FAM20A: variants seen among roughly 807,000 people sequenced by gnomAD.
The protein encoded by FAM20A is pseudokinase FAM20A.
In FAM20A, 42 loss-of-function variants were observed where a neutral mutation model predicts 52.0. The observed-to-expected ratio is 0.81, with a 90% CI of 0.63 to 1.04. FAM20A has a LOEUF of 1.04. Among genes scored for constraint, FAM20A ranks in the 50% least tolerant of loss-of-function variants. The pLI, the probability that FAM20A is intolerant of heterozygous loss-of-function variation, is 0.00. For missense variants in FAM20A, 742 were observed against 712.7 expected, an observed-to-expected ratio of 1.04 and a Z score of -0.47; for synonymous variants, 304 against 298.9, an observed-to-expected ratio of 1.02 and a Z score of -0.18.
rs549567827 is a variant in FAM20A, at chr17:68,574,107, C to A, written c.405-18364G>T. 2.0e-5 allele frequency among the ~76,000 whole-genome samples: 3 copies of A among 152,240 alleles called. No individual in the cohort carries two copies. In the South Asian group the frequency reaches 6.2e-4, roughly 32 times the overall value. ...TGAGACAGGGTCTCACTCTGTCACTCAGGCTGTACTGCAGTGGAGCTATCA... is the reference window on the plus strand; with the variant it reads ...TGAGACAGGGTCTCACTCTGTCACTAAGGCTGTACTGCAGTGGAGCTATCA... On this transcript the variant is annotated intron_variant, in intron 1 of 10. Transcript: ENST00000592554.
intron 1 of FAM20A, among the ~76,000 whole-genome samples, chr17:68,570,798 G>T (rs117010181): frequency 8.0e-4 from 122 of 152,312 alleles, no homozygotes; most frequent in Non-Finnish European, 1.6e-3. Context: ...GCATGCCACA[G>T]AATTTATATT....
At chr17:68,578,252 G>C (rs984648102) in intron 1 of FAM20A, among the ~76,000 whole-genome samples, 1 of 152,160 alleles carries the variant, frequency 6.6e-6, no homozygotes, top group Non-Finnish European at 1.5e-5. Flanking sequence ...TATCATACAG[G>C]CATGGGCATT....
In FAM20A at chr17:68,600,225, G is replaced by C; in HGVS notation, c.404+38C>G. 3 of 1,546,590 alleles carry C rather than the reference G, an allele frequency of 1.9e-6. No individual in the cohort carries two copies. The highest frequency in any genetic ancestry group is 2.6e-6 in the Non-Finnish European group (3 of 1,145,684). On this transcript the variant is annotated intron_variant, in intron 1 of 10. Coordinates refer to ENST00000592554, the MANE Select transcript of FAM20A (RefSeq NM_017565.4). This position sits in a 1 kb window ranked among gnomAD's most constrained non-coding sequence, Gnocchi z 6.2. ...CTGGGGCGCGGGGAGGCCCCGGCCA[G>C]AGCGCCCGCTCTCCCGCGTCCCGGG... is the stretch of plus-strand genomic sequence containing the variant.
chr17:68,581,810 G>A (rs892461399), intron 1 of FAM20A, among the ~76,000 whole-genome samples: 2 of 151,982 alleles, frequency 1.3e-5, no homozygotes, highest in African/African-American at 2.4e-5. Flanking sequence ...TCCTGGCCTC[G>A]TGATCTGCCT....
chr17:68,556,322 G>GA (rs1366835164), intron 1 of FAM20A, among the ~76,000 whole-genome samples: 1 of 151,654 alleles, frequency 6.6e-6, no homozygotes, highest in South Asian at 2.1e-4. Context: ...TTTCTCCCAG[G>GA]AAAAAAAGAG....
rs1445423709 is a variant in FAM20A, at chr17:68,537,288, A to G, written c.*189T>C. The G allele has an allele frequency of 7.6e-6, 6 of 788,276 alleles. No individual in the cohort carries two copies. Among genetic ancestry groups the G allele is most frequent in the South Asian group, 4.4e-5 (3 of 68,616 alleles). The allele number at this position is 788,276 out of a possible 1,614,324, so 48.8% of individuals were successfully genotyped here. A position where few individuals can be genotyped will look rare whatever the true frequency, so the allele number is the denominator to read the frequency against. On this transcript the variant is annotated 3_prime_UTR_variant, in exon 11 of 11. Coordinates refer to ENST00000592554, the MANE Select transcript of FAM20A (RefSeq NM_017565.4). The surrounding 1 kb of genome is among the most constrained non-coding windows in gnomAD (Gnocchi z 4.2). ...AAAACGGAGCAAGGCAACGCACGAC[A>G]GAAGCGGTGCACCAAGGAGTAAAGA...
intron 1 of FAM20A, among the ~76,000 whole-genome samples, chr17:68,597,536 C>G (rs1236090570): frequency 6.6e-6 from 1 of 152,106 alleles, no homozygotes; most frequent in East Asian, 1.9e-4. Flanking sequence ...AGGTGCCCAC[C>G]ACCATGCCCA....
chr17:68,550,962 C>T (rs562412274), intron 4 of FAM20A: 26 of 866,644 alleles, frequency 3.0e-5, no homozygotes, highest in African/African-American at 2.6e-4. Flanking sequence ...TGGGCCTCCC[C>T]TTGAATGGCT....
intron 1 of FAM20A, among the ~76,000 whole-genome samples, chr17:68,596,221 A>ACACC (rs537283388): frequency 1.3e-4 from 19 of 151,396 alleles, no homozygotes; most frequent in African/African-American, 4.1e-4. Context: ...ACACACACAC[A>ACACC]CCCCTAAGAA....
At chr17:68,550,435 C>T (rs1231857504) in intron 4 of FAM20A, among the ~76,000 whole-genome samples, 1 of 127,918 alleles carries the variant, frequency 7.8e-6, no homozygotes, top group South Asian at 2.6e-4. Context: ...GGCTGGAGTG[C>T]AGTGGTGCGA....
rs866926047 is a variant in FAM20A at position 68,539,346 on chromosome 17, TG to T, written c.1351del (p.Gln451SerfsTer4). ...CTGCAGGAAAACTTACATGCAGCAC[TG>T]GGAGAGAGGCGAGAGGATGGAGATT... is the stretch of plus-strand genomic sequence containing the variant. ...DEISILSPLSQCCMIKKKTLL... is the reference protein window; with the variant it reads ...DEISILSPLSXCCMIKKKTLL... On this transcript the variant is annotated frameshift_variant, in exon 10 of 11. Coordinates refer to ENST00000592554, the MANE Select transcript of FAM20A (RefSeq NM_017565.4). LOFTEE classifies it low-confidence loss of function (END_TRUNC). The T allele has an allele frequency of 2.6e-5, 42 of 1,614,102 alleles. No individual in the cohort carries two copies. Among genetic ancestry groups the T allele is most frequent in the Non-Finnish European group, 3.5e-5 (41 of 1,180,042 alleles).
At position 68,554,763 on chromosome 17, in the gene FAM20A, G is replaced by GGGGGCC; in HGVS notation, c.640+13_640+14insGGCCCC. The GGGGGCC allele has an allele frequency of 6.4e-7, 1 of 1,570,098 alleles. No individual in the cohort carries two copies. Among genetic ancestry groups the GGGGGCC allele is most frequent in the Non-Finnish European group, 8.7e-7 (1 of 1,144,652 alleles). On this transcript the variant is annotated intron_variant, in intron 3 of 10. Coordinates refer to ENST00000592554, the MANE Select transcript of FAM20A (RefSeq NM_017565.4). ...GGTGAAGAGGCTGGGTGGGGGTGGG[G>GGGGGCC]CTAGGTCACTTACTCTGGGTGCAGT...
At chr17:68,568,997 A>T (rs973471680) in intron 1 of FAM20A, among the ~76,000 whole-genome samples, 3 of 151,866 alleles carry the variant, frequency 2.0e-5, no homozygotes, top group African/African-American at 4.9e-5. Context: ...CTTAGCCACT[A>T]GCCACAAAGC....
At chr17:68,573,444 CTTTCTTTCTTTCTTCT>C (rs2087623074) in intron 1 of FAM20A, among the ~76,000 whole-genome samples, 1 of 121,648 alleles carries the variant, frequency 8.2e-6, no homozygotes, top group Non-Finnish European at 1.9e-5. Flanking sequence ...CTCTTTCTTT[CTTTCTTTCTTTCTTCT>C]TTCTTTCTTT....
chr17:68,586,528 G>C (rs765015109), intron 1 of FAM20A, among the ~76,000 whole-genome samples: 1 of 152,224 alleles, frequency 6.6e-6, no homozygotes, highest in Non-Finnish European at 1.5e-5. Context: ...ATAGGAGAAA[G>C]ACCCACATAG....
At chr17:68,564,929 G>A (rs538979400) in intron 1 of FAM20A, among the ~76,000 whole-genome samples, 1 of 152,220 alleles carries the variant, frequency 6.6e-6, no homozygotes. Flanking sequence ...GGTTCAGGGA[G>A]GATTTGGAAG....
intron 3 of FAM20A, among the ~76,000 whole-genome samples, chr17:68,552,280 G>C (rs573359514): frequency 1.8e-3 from 280 of 152,026 alleles, no homozygotes; most frequent in Non-Finnish European, 3.5e-3. Context: ...TATGGGAAAA[G>C]AGCAAAAAAT....
chr17:68,595,003 G>A (rs1184208930), intron 1 of FAM20A, among the ~76,000 whole-genome samples: 1 of 152,238 alleles, frequency 6.6e-6, no homozygotes, highest in African/African-American at 2.4e-5. Context: ...GCCAGGGCTG[G>A]AAATCTTGGA....
chr17:68,587,642 A>G (rs2088197764), intron 1 of FAM20A, among the ~76,000 whole-genome samples: 1 of 152,200 alleles, frequency 6.6e-6, no homozygotes, highest in Non-Finnish European at 1.5e-5. Flanking sequence ...GTCTGGGGCA[A>G]TGGGCAAGCT....
Sources: gnomAD v4.1 joint callset for allele counts (sites outside exome capture counted in the v4.1 genomes callset) on GRCh38, gnomAD v4.1.1 for gene constraint, Gnocchi (gnomAD v3.1) non-coding constraint, MANE v1.5 for transcripts, NCBI Gene and HGNC (gene_info 2026-07-23, HGNC 2026-07-21) for gene names.